TXNRD1: variants seen among roughly 807,000 people sequenced by gnomAD.
The protein encoded by TXNRD1 is thioredoxin reductase 1, also known as thioredoxin reductase 1, cytoplasmic.
TXNRD1 carries 57 observed loss-of-function variants against 80.3 expected under a neutral mutation model. That is an observed-to-expected ratio of 0.71 (90% CI 0.57 to 0.89). The LOEUF is 0.89. Among genes scored for constraint, TXNRD1 ranks in the 40% least tolerant of loss-of-function variants. The pLI, the probability that TXNRD1 is intolerant of heterozygous loss-of-function variation, is 0.00. For missense variants in TXNRD1, 730 were observed against 803.0 expected (o/e 0.91, Z 1.10); for synonymous variants, 291 against 285.2 (o/e 1.02, Z -0.20).
intron 4 of TXNRD1, among the ~76,000 whole-genome samples, chr12:104,309,054 C>A (rs563442182): frequency 3.3e-5 from 5 of 151,984 alleles, no homozygotes; most frequent in African/African-American, 7.3e-5. Flanking sequence ...CACGCCTCCA[C>A]GCCCGGCTAA....
chr12:104,321,197 G>A lies in TXNRD1; in HGVS notation c.1096G>A (p.Val366Ile), dbSNP rs568459445. Residue 366 changes from valine to isoleucine, a missense_variant, in exon 10 of 17, where the codon GTC becomes ATC. Coordinates refer to ENST00000525566, the MANE Select transcript of TXNRD1 (RefSeq NM_001093771.3). ...AGFLAGIGLD[V>I]TVMVRSILLR... The stretch of plus-strand genomic sequence containing the variant: ...ATTTCTTGCTGGTATTGGTTTAGAC[G>A]TCACTGTTATGGTTAGGTCCATTCT... 7.3e-5 allele frequency: 117 copies of A among 1,613,520 alleles called. No homozygotes were observed. The highest frequency in any genetic ancestry group is 3.3e-4 in the East Asian group (15 of 44,858).
intron 4 of TXNRD1, chr12:104,309,880 C>T (rs1593808482): frequency 1.3e-6 from 2 of 1,536,070 alleles, no homozygotes; most frequent in East Asian, 4.9e-5. Flanking sequence ...CTTGCCCCCA[C>T]TGTTGCTGGT....
intron 1 of TXNRD1, among the ~76,000 whole-genome samples, chr12:104,229,326 T>TTACA (rs1194219099): frequency 6.6e-6 from 1 of 151,616 alleles, no homozygotes; most frequent in Non-Finnish European, 1.5e-5. Flanking sequence ...TTTTGTACGT[T>TTACA]TTGTAGAGTC....
At chr12:104,233,761 A>T (rs1028843081) in intron 1 of TXNRD1, among the ~76,000 whole-genome samples, 1 of 152,140 alleles carries the variant, frequency 6.6e-6, no homozygotes, top group African/African-American at 2.4e-5. Flanking sequence ...ACCTCAGGTG[A>T]TCTGCCTGCC....
chr12:104,340,083 A>G (rs544635709), intron 16 of TXNRD1, among the ~76,000 whole-genome samples: 1 of 152,328 alleles, frequency 6.6e-6, no homozygotes, highest in East Asian at 1.9e-4. Context: ...TAAGACCTGG[A>G]AAAACATTTT....
chr12:104,284,948 G>C (rs1328034739), intron 3 of TXNRD1, among the ~76,000 whole-genome samples: 1 of 152,198 alleles, frequency 6.6e-6, no homozygotes, highest in Non-Finnish European at 1.5e-5. Flanking sequence ...GGCTGAAGCA[G>C]ACGGATCCCT....
At chr12:104,230,640 C>T (rs2032599733) in intron 1 of TXNRD1, among the ~76,000 whole-genome samples, 1 of 152,054 alleles carries the variant, frequency 6.6e-6, no homozygotes, top group South Asian at 2.1e-4. Flanking sequence ...AAGTCTTTTT[C>T]CATTTTTTAA....
At chr12:104,241,333 C>A (rs967350969) in intron 1 of TXNRD1, among the ~76,000 whole-genome samples, 4 of 152,006 alleles carry the variant, frequency 2.6e-5, no homozygotes, top group African/African-American at 9.7e-5. Flanking sequence ...GCCACTGTGC[C>A]CGGCTGCCAA....
chr12:104,267,620 A>G (rs1055196655), intron 3 of TXNRD1, among the ~76,000 whole-genome samples: 2 of 144,908 alleles, frequency 1.4e-5, no homozygotes, highest in African/African-American at 5.1e-5. Flanking sequence ...TGTTGATATC[A>G]TGATAGGTGT....
intron 4 of TXNRD1, among the ~76,000 whole-genome samples, chr12:104,308,448 C>T (rs1274513285): frequency 6.6e-6 from 1 of 151,814 alleles, no homozygotes; most frequent in Non-Finnish European, 1.5e-5. Flanking sequence ...CAAAACAGTG[C>T]CATTCTTCTA....
intron 4 of TXNRD1, chr12:104,310,060 A>G (rs2035076521): frequency 2.5e-5 from 38 of 1,534,686 alleles, no homozygotes; most frequent in Non-Finnish European, 3.2e-5. Context: ...CACCCCCTAC[A>G]TCTGATAGTA....
At chr12:104,233,313 A>G (rs1208270339) in intron 1 of TXNRD1, among the ~76,000 whole-genome samples, 1 of 30,494 alleles carries the variant, frequency 3.3e-5, no homozygotes, top group Non-Finnish European at 6.2e-5. Context: ...CAAAAAGGGA[A>G]ACTTTTGAAG....
In TXNRD1 at chr12:104,240,741, C is replaced by A. The variant is rs1323237270; in HGVS notation, c.92-10786C>A. On this transcript the variant is annotated intron_variant, in intron 1 of 16. Transcript: ENST00000525566. ...TATGTTTTTTGTCCAGAAAAGGTAT[C>A]TTTGTGGAATTTTTTTTTTTTTTTG... Among the ~76,000 whole-genome samples, 3 of 124,260 alleles carry A rather than the reference C, an allele frequency of 2.4e-5. No individual in the cohort carries two copies. In the Admixed American group the frequency reaches 2.8e-4, roughly 12 times the overall value. 81.5% of individuals were successfully genotyped at this position (124,260 alleles called of 152,430 possible).
chr12:104,307,161 T>C (rs1593802353), intron 4 of TXNRD1, among the ~76,000 whole-genome samples: 2 of 152,324 alleles, frequency 1.3e-5, no homozygotes, highest in East Asian at 3.9e-4. Flanking sequence ...GAAATTAAAC[T>C]GACTGCTTAC....
intron 3 of TXNRD1, among the ~76,000 whole-genome samples, chr12:104,274,559 C>T (rs968810941): frequency 1.3e-5 from 2 of 151,668 alleles, no homozygotes; most frequent in Admixed American, 6.6e-5. Flanking sequence ...ATTAGCTGGG[C>T]GTGGCAGCGT....
At chr12:104,290,139 C>T (rs1316328360) in intron 4 of TXNRD1, among the ~76,000 whole-genome samples, 1 of 152,054 alleles carries the variant, frequency 6.6e-6, no homozygotes, top group Non-Finnish European at 1.5e-5. Context: ...CTAACGCCTG[C>T]GTTAAATGTA....
At chr12:104,321,598 C>T (rs1251582497) in intron 10 of TXNRD1, among the ~76,000 whole-genome samples, 3 of 152,088 alleles carry the variant, frequency 2.0e-5, no homozygotes, top group Non-Finnish European at 2.9e-5. Flanking sequence ...ATTCCTTTGT[C>T]ATCTTTGGTC....
intron 1 of TXNRD1, among the ~76,000 whole-genome samples, chr12:104,231,716 G>A (rs572787502): frequency 6.6e-6 from 1 of 152,280 alleles, no homozygotes; most frequent in African/African-American, 2.4e-5. Flanking sequence ...CCCAAACAAA[G>A]AAACCTCTGG....
chr12:104,273,678 A>C (rs983101887), intron 3 of TXNRD1, among the ~76,000 whole-genome samples: 5 of 152,242 alleles, frequency 3.3e-5, no homozygotes, highest in Admixed American at 1.3e-4. Flanking sequence ...CTCAAGAGCA[A>C]GTACCGCCCC....
Sources: allele counts gnomAD v4.1 joint callset (sites outside exome capture counted in the v4.1 genomes callset), GRCh38; gene constraint gnomAD v4.1.1; transcripts MANE v1.5; gene names NCBI Gene and HGNC (gene_info 2026-07-23, HGNC 2026-07-21).